Variants in DPH6 observed in about 807,000 individuals in gnomAD.
DPH6 encodes the protein diphthamine biosynthesis 6.
In DPH6, 33 loss-of-function variants were observed where a neutral mutation model predicts 38.2. The observed-to-expected ratio is 0.86, with a 90% CI of 0.65 to 1.15. The LOEUF is 1.15. Among genes scored for constraint, DPH6 ranks in the 50% most tolerant of loss-of-function variants. DPH6 has a pLI of 0.00. For synonymous variants in DPH6, 108 were observed against 103.0 expected (o/e 1.05, Z -0.30); for missense variants, 325 against 320.0 (o/e 1.02, Z -0.12).
intron 3 of DPH6, among the ~76,000 whole-genome samples, chr15:35,254,940 T>C (rs2140412437): frequency 6.6e-6 from 1 of 152,226 alleles, no homozygotes; most frequent in Admixed American, 6.5e-5. Flanking sequence ...GACTACAAAG[T>C]ACATTGATCA....
chr15:35,165,938 T>A, the DPH6 span, among the ~76,000 whole-genome samples: 1 of 151,928 alleles, frequency 6.6e-6, no homozygotes, highest in Non-Finnish European at 1.5e-5. Context: ...ATACCTCATA[T>A]CAGTTAATTT....
intron 3 of DPH6, among the ~76,000 whole-genome samples, chr15:35,496,567 A>AAAAAAAAAAAAAAAAATATAT: frequency 1.3e-4 from 4 of 31,012 alleles, no homozygotes; most frequent in African/African-American, 5.5e-4. Flanking sequence ...AAAAAAAAAA[A>AAAAAAAAAAAAAAAAATATAT]ATATATATAT....
the DPH6 span, among the ~76,000 whole-genome samples, chr15:35,146,587 T>C: frequency 5.9e-5 from 9 of 152,166 alleles, no homozygotes; most frequent in Admixed American, 2.0e-4. Context: ...TTGCCCTATA[T>C]ATTTTCTGTC....
At chr15:35,348,012 T>C (rs2052477403) in intron 3 of DPH6, among the ~76,000 whole-genome samples, 1 of 152,164 alleles carries the variant, frequency 6.6e-6, no homozygotes, top group Non-Finnish European at 1.5e-5. Flanking sequence ...TCTTGGGTAT[T>C]GAGTTATAGA....
intron 3 of DPH6, among the ~76,000 whole-genome samples, chr15:35,244,111 T>C (rs1024965260): frequency 1.3e-5 from 2 of 151,706 alleles, no homozygotes; most frequent in African/African-American, 4.9e-5. Context: ...AGAAGCTATA[T>C]ACAAATGTCA....
chr15:35,492,423 T>G (rs1449225289), intron 3 of DPH6, among the ~76,000 whole-genome samples: 1 of 152,202 alleles, frequency 6.6e-6, no homozygotes, highest in African/African-American at 2.4e-5. Flanking sequence ...CATGAGAATA[T>G]CTACCAGCTA....
chr15:35,400,710 CA>C, intron 6 of DPH6: 2 of 698,498 alleles, frequency 2.9e-6, no homozygotes, highest in Non-Finnish European at 2.6e-6. Context: ...TCAGAGTCTC[CA>C]AAAGGGCCTG....
chr15:35,478,399 ACACAC>A (rs2054287787), intron 3 of DPH6, among the ~76,000 whole-genome samples: 1 of 151,030 alleles, frequency 6.6e-6, no homozygotes, highest in Non-Finnish European at 1.5e-5. Flanking sequence ...ACACACACAC[ACACAC>A]AAAGATTGTA....
chr15:35,190,652 C>T, the DPH6 span, among the ~76,000 whole-genome samples: 4 of 152,186 alleles, frequency 2.6e-5, no homozygotes, highest in Non-Finnish European at 5.9e-5. Context: ...CCATAACTTC[C>T]AGTCTTGTAG....
chr15:35,321,070 C>T (rs1175782831), intron 3 of DPH6, among the ~76,000 whole-genome samples: 1 of 152,170 alleles, frequency 6.6e-6, no homozygotes, highest in Admixed American at 6.5e-5. Context: ...GACCTCTGGT[C>T]CCATGATGAC....
chr15:35,313,821 G>A (rs937218222), intron 3 of DPH6, among the ~76,000 whole-genome samples: 1 of 152,094 alleles, frequency 6.6e-6, no homozygotes, highest in Non-Finnish European at 1.5e-5. Flanking sequence ...TTAAATCTAA[G>A]ACCTGAAACT....
the DPH6 span, among the ~76,000 whole-genome samples, chr15:35,147,775 T>C: frequency 1.3e-5 from 2 of 152,184 alleles, no homozygotes; most frequent in African/African-American, 4.8e-5. Context: ...GAATTACTAA[T>C]ATAAAACAAT....
intron 6 of DPH6, among the ~76,000 whole-genome samples, chr15:35,409,105 C>A (rs2053331943): frequency 6.6e-6 from 1 of 151,656 alleles, no homozygotes; most frequent in Non-Finnish European, 1.5e-5. Context: ...AGGGCCTCAG[C>A]CATATAAATA....
At chr15:35,235,793 A>G (rs1242796083) in intron 3 of DPH6, among the ~76,000 whole-genome samples, 3 of 152,194 alleles carry the variant, frequency 2.0e-5, no homozygotes, top group Non-Finnish European at 4.4e-5. Context: ...ATTCTTTCTC[A>G]CAGTGTGCTA....
chr15:35,158,548 T>C, the DPH6 span, among the ~76,000 whole-genome samples: 2 of 152,058 alleles, frequency 1.3e-5, no homozygotes, highest in Admixed American at 6.6e-5. Context: ...TGCTGTTATA[T>C]ATTATATAAG....
chr15:35,338,940 C>A (rs1314244319), intron 3 of DPH6, among the ~76,000 whole-genome samples: 1 of 151,982 alleles, frequency 6.6e-6, no homozygotes, highest in Non-Finnish European at 1.5e-5. Flanking sequence ...GGACAAAAAA[C>A]CAAACACTGC....
chr15:35,393,338 T>C (rs975595997), intron 6 of DPH6, among the ~76,000 whole-genome samples: 1 of 152,172 alleles, frequency 6.6e-6, no homozygotes, highest in South Asian at 2.1e-4. Context: ...AGGTTCATGG[T>C]TGAGGAACTT....
At chr15:35,536,995 G>C (rs577331103) in intron 3 of DPH6, among the ~76,000 whole-genome samples, 1 of 151,968 alleles carries the variant, frequency 6.6e-6, no homozygotes, top group Non-Finnish European at 1.5e-5. Context: ...CTATAACTAA[G>C]CAGAAAATTT....
chr15:35,229,562 T>C (rs573297262), intron 3 of DPH6, among the ~76,000 whole-genome samples: 88 of 152,262 alleles, frequency 5.8e-4, no homozygotes, highest in South Asian at 3.3e-3. Context: ...ATTTAGCTCA[T>C]TTGGTGAGGT....
Sources: allele counts gnomAD v4.1 joint callset (sites outside exome capture counted in the v4.1 genomes callset), GRCh38; gene constraint gnomAD v4.1.1; transcripts MANE v1.5; gene names NCBI Gene and HGNC (gene_info 2026-07-23, HGNC 2026-07-21).